The following RBFOX1 variants were observed in gnomAD, a reference collection of about 807,000 sequenced individuals.
RBFOX1 encodes the protein RNA binding protein fox-1 homolog 1.
RBFOX1 carries 8 observed loss-of-function variants against 57.7 expected under a neutral mutation model. The observed-to-expected ratio is 0.14, with a 90% CI of 0.08 to 0.25. The LOEUF is 0.25. Ranked by LOEUF, RBFOX1 falls within the 10% of genes least tolerant of loss-of-function variation. RBFOX1 has a pLI of 1.00. For synonymous variants in RBFOX1, 326 were observed against 222.4 expected (o/e 1.47, Z -4.15); for missense variants, 611 against 548.5 (o/e 1.11, Z -1.14).
At chr16:7,218,630 G>GTT (rs2092452419) in intron 4 of RBFOX1, among the ~76,000 whole-genome samples, 2 of 39,072 alleles carry the variant, frequency 5.1e-5, no homozygotes, top group Non-Finnish European at 1.0e-4. Flanking sequence ...GGGGTTTGCT[G>GTT]TGTGTGTGTG....
chr16:6,828,293 A>G (rs1175962894), intron 3 of RBFOX1, among the ~76,000 whole-genome samples: 1 of 152,100 alleles, frequency 6.6e-6, no homozygotes, highest in Non-Finnish European at 1.5e-5. Context: ...TGGGAGGCTG[A>G]TGTGGGTGGG....
intron 2 of RBFOX1, among the ~76,000 whole-genome samples, chr16:6,612,890 C>A (rs1009119059): frequency 7.0e-6 from 1 of 142,646 alleles, no homozygotes; most frequent in African/African-American, 2.6e-5. Context: ...TTTGTTTGTT[C>A]CAGAGGGCTG....
intron 1 of RBFOX1, among the ~76,000 whole-genome samples, chr16:5,414,430 G>C (rs1454217345): frequency 6.6e-6 from 1 of 152,198 alleles, no homozygotes; most frequent in Non-Finnish European, 1.5e-5. Flanking sequence ...CACTTTATGA[G>C]AGATTTATTC....
intron 2 of RBFOX1, among the ~76,000 whole-genome samples, chr16:6,645,335 G>T (rs1000445829): frequency 1.3e-5 from 2 of 152,100 alleles, no homozygotes; most frequent in Admixed American, 1.3e-4. Context: ...GGCTGCTGTT[G>T]AACCCCGTGC....
intron 4 of RBFOX1, among the ~76,000 whole-genome samples, chr16:5,903,639 A>G (rs994713224): frequency 1.3e-5 from 2 of 152,282 alleles, no homozygotes; most frequent in South Asian, 4.2e-4. Flanking sequence ...TCAGAGGCTG[A>G]AAAAAAGTCT....
chr16:6,780,562 T>TATTTATA, intron 3 of RBFOX1, among the ~76,000 whole-genome samples: 1 of 105,054 alleles, frequency 9.5e-6, no homozygotes, highest in South Asian at 3.5e-4. Context: ...ATTTACATAT[T>TATTTATA]TATATATATT....
At chr16:5,284,548 T>C (rs1171630909) in intron 1 of RBFOX1, among the ~76,000 whole-genome samples, 7 of 150,634 alleles carry the variant, frequency 4.6e-5, no homozygotes, top group Admixed American at 2.0e-4. Context: ...TCTTTTTTTT[T>C]TTTTTTTTTA....
chr16:7,320,821 G>T (rs970023841), intron 4 of RBFOX1, among the ~76,000 whole-genome samples: 1 of 152,152 alleles, frequency 6.6e-6, no homozygotes, highest in African/African-American at 2.4e-5. Context: ...TAGAGCAACC[G>T]CACAACAACC....
intron 1 of RBFOX1, among the ~76,000 whole-genome samples, chr16:5,452,520 G>T (rs1395346425): frequency 6.6e-6 from 1 of 151,738 alleles, no homozygotes; most frequent in South Asian, 2.1e-4. Flanking sequence ...ACTGCCTTTC[G>T]CCAGGACTGT....
chr16:5,440,875 G>C (rs2068063512), intron 1 of RBFOX1, among the ~76,000 whole-genome samples: 1 of 152,164 alleles, frequency 6.6e-6, no homozygotes, highest in South Asian at 2.1e-4. Context: ...TGAGGCTATT[G>C]AGGTCCAAAA....
At chr16:6,395,181 A>G (rs2092773357) in intron 2 of RBFOX1, among the ~76,000 whole-genome samples, 1 of 152,254 alleles carries the variant, frequency 6.6e-6, no homozygotes. Flanking sequence ...TCTAAGGACT[A>G]CAGAAGAATT....
chr16:7,613,425 T>C (rs2057900875), intron 10 of RBFOX1, among the ~76,000 whole-genome samples: 1 of 152,140 alleles, frequency 6.6e-6, no homozygotes, highest in Non-Finnish European at 1.5e-5. Flanking sequence ...AAGAGATTCA[T>C]GTGATCACCA....
At chr16:7,079,254 C>A (rs75956761) in intron 4 of RBFOX1, among the ~76,000 whole-genome samples, 23 of 152,294 alleles carry the variant, frequency 1.5e-4, no homozygotes, top group African/African-American at 5.5e-4. Flanking sequence ...GCTCATCATA[C>A]ATCTGGCTCT....
intron 10 of RBFOX1, among the ~76,000 whole-genome samples, chr16:7,612,572 C>A (rs192444236): frequency 1.3e-5 from 2 of 151,736 alleles, no homozygotes; most frequent in East Asian, 3.9e-4. Flanking sequence ...CTTACACTTT[C>A]TCTGTCATTG....
At chr16:7,299,315 A>G (rs1313476667) in intron 4 of RBFOX1, among the ~76,000 whole-genome samples, 4 of 152,208 alleles carry the variant, frequency 2.6e-5, no homozygotes, top group Non-Finnish European at 4.4e-5. Context: ...TGTAACTTTG[A>G]AAAGCTCATT....
At chr16:5,487,600 G>T (rs929790549) in intron 2 of RBFOX1, among the ~76,000 whole-genome samples, 1 of 152,198 alleles carries the variant, frequency 6.6e-6, no homozygotes, top group African/African-American at 2.4e-5. Flanking sequence ...ATTGAGACTT[G>T]TATTTCTATC....
In RBFOX1 at chr16:5,984,974, ATATTTTT is replaced by A. The variant is rs1456186617; in HGVS notation, c.351+117641_351+117647del. 2.1e-4 allele frequency among the ~76,000 whole-genome samples: 12 copies of A among 56,240 alleles called. No homozygotes were observed. The South Asian group carries it at 4.5e-3, about 21-fold the overall frequency. The allele number at this position is 56,240 out of a possible 152,430, so 36.9% of individuals were successfully genotyped here. On this transcript the variant is annotated intron_variant, in intron 4 of 19. Coordinates refer to the RBFOX1 transcript ENST00000641259. ...TATATATATATATATATATATATATATATTTTTTTTTTTTTTTTTTTTCTTTGAGACA... is the reference window on the plus strand; with the variant it reads ...TATATATATATATATATATATATATATTTTTTTTTTTTTTTCTTTGAGACA...
At chr16:7,629,609 T>C (rs1324414927) in intron 10 of RBFOX1, among the ~76,000 whole-genome samples, 1 of 152,194 alleles carries the variant, frequency 6.6e-6, no homozygotes, top group Non-Finnish European at 1.5e-5. Flanking sequence ...TCTTGGAGTT[T>C]GAGCTTTGCA....
At chr16:6,529,810 A>G (rs2096631484) in intron 2 of RBFOX1, among the ~76,000 whole-genome samples, 1 of 152,044 alleles carries the variant, frequency 6.6e-6, no homozygotes, top group Admixed American at 6.6e-5. Flanking sequence ...TCTTGTTGAT[A>G]TTTCTTTAAC....
Sources: gnomAD v4.1 joint callset for allele counts (sites outside exome capture counted in the v4.1 genomes callset) on GRCh38, gnomAD v4.1.1 for gene constraint, MANE v1.5 for transcripts, NCBI Gene and HGNC (gene_info 2026-07-23, HGNC 2026-07-21) for gene names.